PI4KA: variants seen among roughly 807,000 people sequenced by gnomAD.
The protein encoded by PI4KA is phosphatidylinositol 4-kinase alpha.
PI4KA carries 122 observed loss-of-function variants against 271.4 expected under a neutral mutation model. The ratio of observed to expected loss-of-function variants is 0.45; its 90% CI spans 0.39 to 0.52. PI4KA has a LOEUF of 0.52. Ranked by LOEUF, PI4KA falls within the 20% of genes least tolerant of loss-of-function variation. The probability of loss-of-function intolerance (pLI) is 0.00; values close to 1 mark genes in which losing one functional copy is unlikely to be tolerated. For missense variants in PI4KA, 1,969 were observed against 2,769.1 expected (o/e 0.71, Z 6.48); for synonymous variants, 1,041 against 1,078.8 (o/e 0.96, Z 0.69).
At chr22:20,788,489 C>T (rs1934418295) in intron 19 of PI4KA, among the ~76,000 whole-genome samples, 1 of 152,196 alleles carries the variant, frequency 6.6e-6, no homozygotes, top group Non-Finnish European at 1.5e-5. Flanking sequence ...GCTGCAGAAG[C>T]AATTTCAGCT....
At position 20,811,045 on chromosome 22, in the gene PI4KA, C is replaced by G. The variant is rs1363161007; in HGVS notation, c.1006-13G>C. 6.2e-7 allele frequency: 1 copy of G among 1,606,098 alleles called. No individual in the cohort carries two copies. The highest frequency in any genetic ancestry group is 8.5e-7 in the Non-Finnish European group (1 of 1,172,684). ...CGATCTTCTTCACCTACCAAGGAAA[C>G]AGAACCTCATGAAGCAACTGACATA... is the stretch of plus-strand genomic sequence containing the variant. On this transcript the variant is annotated splice_polypyrimidine_tract_variant and intron_variant, in intron 8 of 54. Coordinates refer to ENST00000255882, the MANE Select transcript of PI4KA (RefSeq NM_058004.4).
chr22:20,803,100 A>C, intron 13 of PI4KA, 91 bp downstream of exon 13: 1 of 1,335,882 alleles, frequency 7.5e-7, no homozygotes. Flanking sequence ...GAAGGAATGC[A>C]CCCAGGTACA....
intron 23 of PI4KA, among the ~76,000 whole-genome samples, chr22:20,758,250 A>G (rs1292756004): frequency 6.6e-6 from 1 of 151,044 alleles, no homozygotes; most frequent in Non-Finnish European, 1.5e-5. Context: ...CTGTAGTCCC[A>G]GCTACTTGGG....
intron 14 of PI4KA, 100 bp downstream of exon 14, chr22:20,801,873 G>T: frequency 2.3e-6 from 3 of 1,307,546 alleles, no homozygotes; most frequent in South Asian, 1.3e-5. Flanking sequence ...GCAACAGAGC[G>T]AGACTCAATC....
At chr22:20,776,997 A>G (rs1933344094) in intron 19 of PI4KA, among the ~76,000 whole-genome samples, 1 of 152,040 alleles carries the variant, frequency 6.6e-6, no homozygotes, top group Non-Finnish European at 1.5e-5. Flanking sequence ...CTAATAGGAA[A>G]TGGTCACAGA....
chr22:20,840,270 C>T (rs1331630130), intron 1 of PI4KA, among the ~76,000 whole-genome samples: 1 of 152,152 alleles, frequency 6.6e-6, no homozygotes, highest in Non-Finnish European at 1.5e-5. Flanking sequence ...GGGATCTGAT[C>T]AAGAAGGAAG....
At position 20,802,093 on chromosome 22, in the gene PI4KA, T is replaced by A. The variant is rs767980007; in HGVS notation, c.1604A>T (p.Asp535Val). ...CTCATTGGTCACACTGATTTTTATA[T>A]CATTGCCAGCAACTGAAAGTAAAAA... ...HSQYHTVAGN[D>V]IKISVTNEHS... The change falls in exon 14 of 55, where the codon GAT becomes GTT. Residue 535 changes from aspartate (D) to valine (V), a missense_variant. Physicochemically the swap from Asp to Val is radical, Grantham distance 152. Around this residue, in one of 13 missense-constraint regions of PI4KA, gnomAD observed 228 missense variants for 261.6 expected, o/e 0.87. Transcript: ENST00000255882. 6.2e-7 allele frequency: 1 copy of A among 1,613,960 alleles called. No homozygotes were observed. Among genetic ancestry groups the A allele is most frequent in the Admixed American group, 1.7e-5 (1 of 60,014 alleles).
chr22:20,709,229 G>C (rs1292885432), intron 54 of PI4KA, 67 bp downstream of exon 54: 3 of 727,808 alleles, frequency 4.1e-6, no homozygotes, highest in South Asian at 3.0e-5. Flanking sequence ...CCTGGTGCAG[G>C]CAAGGCCCTG....
intron 13 of PI4KA, 112 bp downstream of exon 13, chr22:20,803,078 GA>G: frequency 9.3e-7 from 1 of 1,079,684 alleles, no homozygotes; most frequent in Non-Finnish European, 1.4e-6. Context: ...AAGACAGAAG[GA>G]AAGGTGTGGC....
At chr22:20,754,808 C>A (rs754660658) in intron 23 of PI4KA, among the ~76,000 whole-genome samples, 2 of 152,120 alleles carry the variant, frequency 1.3e-5, no homozygotes, top group Non-Finnish European at 2.9e-5. Flanking sequence ...ATTAGCCAGG[C>A]ATGGTAGCGT....
chr22:20,759,242 C>T (rs5760416), intron 23 of PI4KA, among the ~76,000 whole-genome samples: 57,767 of 151,842 alleles, frequency 0.38, 11,487 homozygotes, highest in African/African-American at 0.48. Context: ...TGGGGTATTG[C>T]TATGTAGCCC....
chr22:20,775,733 T>G (rs1355455594), intron 19 of PI4KA, among the ~76,000 whole-genome samples: 1 of 152,178 alleles, frequency 6.6e-6, no homozygotes, highest in Non-Finnish European at 1.5e-5. Context: ...CAAGCGATCC[T>G]CCTGCCTTGG....
At chr22:20,764,755 C>A in intron 22 of PI4KA, 62 bp downstream of exon 22, 1 of 1,514,534 alleles carries the variant, frequency 6.6e-7, no homozygotes, top group South Asian at 1.3e-5. Flanking sequence ...TACGAGGGCA[C>A]AAAAATGAAA....
chr22:20,791,479 G>C (rs1934641916), intron 19 of PI4KA, among the ~76,000 whole-genome samples: 2 of 152,170 alleles, frequency 1.3e-5, no homozygotes, highest in Admixed American at 6.5e-5. Context: ...AATGGGGCCA[G>C]GCATGGTGGT....
At chr22:20,801,920 A>C in intron 14 of PI4KA, 53 bp downstream of exon 14, 1 of 1,591,602 alleles carries the variant, frequency 6.3e-7, no homozygotes, top group Non-Finnish European at 8.6e-7. Flanking sequence ...ATTTTGTAAT[A>C]ACCCGCTTGT....
chr22:20,833,501 ATGGCAG>A (rs1336253519), intron 3 of PI4KA, among the ~76,000 whole-genome samples: 1 of 152,126 alleles, frequency 6.6e-6, no homozygotes, highest in African/African-American at 2.4e-5. Context: ...ATTTGCACCA[ATGGCAG>A]TGGTAGCACA....
intron 1 of PI4KA, among the ~76,000 whole-genome samples, chr22:20,848,490 C>T (rs1441642179): frequency 6.6e-6 from 1 of 152,282 alleles, no homozygotes; most frequent in South Asian, 2.1e-4. Context: ...AGACAGTATA[C>T]TAGCCAACAT....
At chr22:20,811,814 C>A (rs1921066117) in intron 8 of PI4KA, among the ~76,000 whole-genome samples, 2 of 151,784 alleles carry the variant, frequency 1.3e-5, no homozygotes, top group Admixed American at 6.6e-5. Flanking sequence ...GAGATCGAGA[C>A]CATCCTGGCT....
intron 32 of PI4KA, among the ~76,000 whole-genome samples, chr22:20,740,450 T>A (rs1929292042): frequency 8.1e-6 from 1 of 123,468 alleles, no homozygotes. Context: ...CTTAAGAGCC[T>A]AGGAAGTAAA....
Sources: allele counts gnomAD v4.1 joint callset (sites outside exome capture counted in the v4.1 genomes callset), GRCh38; gene constraint gnomAD v4.1.1; regional missense constraint gnomAD v4.1.1; transcripts MANE v1.5; gene names NCBI Gene and HGNC (gene_info 2026-07-23, HGNC 2026-07-21).